ADORA2B: variants seen among roughly 807,000 people sequenced by gnomAD.
The protein encoded by ADORA2B is adenosine receptor A2b.
ADORA2B carries 18 observed loss-of-function variants against 20.8 expected under a neutral mutation model. The ratio of observed to expected loss-of-function variants is 0.87; its 90% CI spans 0.60 to 1.29. The LOEUF is 1.29. ADORA2B is among the 50% of genes most tolerant of loss of function. The probability of loss-of-function intolerance (pLI) is 0.00; values close to 1 mark genes in which losing one functional copy is unlikely to be tolerated. For synonymous variants in ADORA2B, 179 were observed against 178.3 expected (o/e 1.00, Z -0.03); for missense variants, 441 against 422.7 (o/e 1.04, Z -0.38).
At chr17:15,878,968 CT>C in the ADORA2B span, among the ~76,000 whole-genome samples, 1 of 152,064 alleles carries the variant, frequency 6.6e-6, no homozygotes, top group Non-Finnish European at 1.5e-5. Context: ...TGTGGGAAAT[CT>C]CTACTTGATT....
chr17:15,969,267 A>C (rs891715723), intron 1 of ADORA2B, among the ~76,000 whole-genome samples: 3 of 151,974 alleles, frequency 2.0e-5, no homozygotes, highest in African/African-American at 7.3e-5. Flanking sequence ...TGGCTAACAC[A>C]GTGAAAACCC....
intron 1 of ADORA2B, among the ~76,000 whole-genome samples, chr17:15,965,500 C>T (rs945183621): frequency 1.3e-5 from 2 of 152,210 alleles, no homozygotes; most frequent in Non-Finnish European, 2.9e-5. Context: ...AGATAAGCTG[C>T]TCTGCTTCCA....
chr17:15,885,467 A>G, the ADORA2B span, among the ~76,000 whole-genome samples: 1 of 152,168 alleles, frequency 6.6e-6, no homozygotes, highest in African/African-American at 2.4e-5. Flanking sequence ...TAACCTTAGC[A>G]TTTTGGGAGG....
intron 1 of ADORA2B, among the ~76,000 whole-genome samples, chr17:15,956,994 A>T (rs777011812): frequency 6.6e-6 from 1 of 152,170 alleles, no homozygotes; most frequent in African/African-American, 2.4e-5. Flanking sequence ...CTGGAGTTTG[A>T]TATGGTCAGG....
chr17:15,944,472 C>T (rs888899383), upstream of ADORA2B, among the ~76,000 whole-genome samples: 2 of 152,132 alleles, frequency 1.3e-5, no homozygotes, highest in South Asian at 4.1e-4. The surrounding 1 kb of genome is among the most constrained non-coding windows in gnomAD (Gnocchi z 4.8). Flanking sequence ...GGGACGGCCA[C>T]GAGCTTGTCT....
chr17:15,872,276 T>C, the ADORA2B span, among the ~76,000 whole-genome samples: 3 of 152,352 alleles, frequency 2.0e-5, no homozygotes, highest in African/African-American at 7.2e-5. Context: ...ACAGTTTGGT[T>C]CCATTGGTCT....
At chr17:15,952,182 A>G (rs1969913787) in intron 1 of ADORA2B, among the ~76,000 whole-genome samples, 1 of 151,886 alleles carries the variant, frequency 6.6e-6, no homozygotes, top group Admixed American at 6.6e-5. Context: ...CAATCCCTGT[A>G]TCTCACTCTT....
chr17:15,891,030 G>A, the ADORA2B span, among the ~76,000 whole-genome samples: 1 of 152,330 alleles, frequency 6.6e-6, no homozygotes, highest in East Asian at 1.9e-4. Flanking sequence ...ACTTTGGGAG[G>A]CCAAGGCAGG....
At chr17:15,907,842 T>G in the ADORA2B span, among the ~76,000 whole-genome samples, 1 of 152,226 alleles carries the variant, frequency 6.6e-6, no homozygotes, top group African/African-American at 2.4e-5. Flanking sequence ...AAGTCTGTGG[T>G]GGTGACGAGG....
chr17:15,912,321 A>G, the ADORA2B span, among the ~76,000 whole-genome samples: 1 of 151,360 alleles, frequency 6.6e-6, no homozygotes, highest in African/African-American at 2.4e-5. Context: ...TTGAGGCTGC[A>G]GTGAGCTATG....
At chr17:15,892,127 C>T in the ADORA2B span, among the ~76,000 whole-genome samples, 3 of 150,772 alleles carry the variant, frequency 2.0e-5, no homozygotes, top group Non-Finnish European at 4.4e-5. Context: ...TCCCAAAGTG[C>T]TGGTATTACA....
intron 1 of ADORA2B, among the ~76,000 whole-genome samples, chr17:15,963,996 A>G (rs1970069844): frequency 6.6e-6 from 1 of 152,228 alleles, no homozygotes; most frequent in Non-Finnish European, 1.5e-5. Flanking sequence ...GCCCGGGGCC[A>G]GGGCCTCCTG....
the ADORA2B span, among the ~76,000 whole-genome samples, chr17:15,856,921 A>T: frequency 6.6e-6 from 1 of 152,364 alleles, no homozygotes; most frequent in South Asian, 2.1e-4. Flanking sequence ...TTTACATAAC[A>T]AGGAGCCGAA....
chr17:15,930,796 C>T, the ADORA2B span, among the ~76,000 whole-genome samples: 11 of 152,260 alleles, frequency 7.2e-5, no homozygotes, highest in African/African-American at 2.2e-4. Flanking sequence ...TCTCAAGTGC[C>T]AAATCTCAAA....
At chr17:15,949,614 G>A (rs116739873) in intron 1 of ADORA2B, among the ~76,000 whole-genome samples, 2 of 151,634 alleles carry the variant, frequency 1.3e-5, no homozygotes, top group African/African-American at 2.4e-5. Context: ...GCTCACACCC[G>A]TAATCACAGC....
upstream of ADORA2B, among the ~76,000 whole-genome samples, chr17:15,943,665 C>T (rs958236118): frequency 2.6e-5 from 4 of 152,190 alleles, no homozygotes; most frequent in South Asian, 2.1e-4. Flanking sequence ...TTATGTGCCA[C>T]ACAATGCATG....
At chr17:15,882,325 A>G in the ADORA2B span, among the ~76,000 whole-genome samples, 2 of 152,152 alleles carry the variant, frequency 1.3e-5, no homozygotes, top group Admixed American at 6.5e-5. Flanking sequence ...AAGGGCCCAC[A>G]TTGTGCCTCT....
chr17:15,908,961 TCAAA>T, the ADORA2B span, among the ~76,000 whole-genome samples: 1,510 of 152,246 alleles, frequency 9.9e-3, 23 homozygotes, highest in African/African-American at 0.034. Context: ...GCACAGAGCT[TCAAA>T]CAAACAGCCT....
chr17:15,919,430 A>G, the ADORA2B span, among the ~76,000 whole-genome samples: 60 of 152,210 alleles, frequency 3.9e-4, no homozygotes, highest in Non-Finnish European at 8.8e-5. Flanking sequence ...CCCCACCCCA[A>G]TTAAACTGGG....
Sources: gnomAD v4.1 joint callset for allele counts (sites outside exome capture counted in the v4.1 genomes callset) on GRCh38, gnomAD v4.1.1 for gene constraint, Gnocchi (gnomAD v3.1) non-coding constraint, MANE v1.5 for transcripts, NCBI Gene and HGNC (gene_info 2026-07-23, HGNC 2026-07-21) for gene names.